The following COL15A1 variants were observed in gnomAD, a reference collection of about 807,000 sequenced individuals.
COL15A1 encodes the protein collagen alpha-1(XV) chain.
Under a neutral mutation model 165.9 loss-of-function variants are expected in COL15A1, and 111 were observed. The ratio of observed to expected loss-of-function variants is 0.67; its 90% CI spans 0.57 to 0.78. The LOEUF (loss-of-function observed/expected upper bound fraction) is 0.78. COL15A1 is among the 30% of genes least tolerant of loss of function. The pLI, the probability that COL15A1 is intolerant of heterozygous loss-of-function variation, is 0.00. For synonymous variants in COL15A1, 659 were observed against 674.8 expected, an observed-to-expected ratio of 0.98 and a Z score of 0.36; for missense variants, 1,745 against 1,789.7, an observed-to-expected ratio of 0.98 and a Z score of 0.45.
chr9:99,021,827 G>T (rs1169685361), intron 12 of COL15A1, among the ~76,000 whole-genome samples: 1 of 152,238 alleles, frequency 6.6e-6, no homozygotes, highest in East Asian at 1.9e-4. Context: ...AATCCTGGAA[G>T]AAGGGAGGGT....
At chr9:99,046,662 C>G (rs546687114) in intron 26 of COL15A1, among the ~76,000 whole-genome samples, 64 of 152,312 alleles carry the variant, frequency 4.2e-4, no homozygotes, top group African/African-American at 1.5e-3. Flanking sequence ...CTAGGGAGAA[C>G]TCATTCACTG....
At chr9:98,978,014 C>T (rs913988818) in intron 2 of COL15A1, among the ~76,000 whole-genome samples, 1 of 152,172 alleles carries the variant, frequency 6.6e-6, no homozygotes, top group Non-Finnish European at 1.5e-5. Flanking sequence ...GTGGTCGGGG[C>T]TGTGGGAGGG....
At chr9:99,061,003 C>T (rs918228659) in intron 36 of COL15A1, among the ~76,000 whole-genome samples, 16 of 152,274 alleles carry the variant, frequency 1.1e-4, no homozygotes, top group African/African-American at 3.6e-4. Context: ...AAGAACATCT[C>T]TGGCACATTC....
At chr9:99,059,645 C>T (rs997927652) in intron 35 of COL15A1, among the ~76,000 whole-genome samples, 1 of 152,186 alleles carries the variant, frequency 6.6e-6, no homozygotes, top group African/African-American at 2.4e-5. Context: ...ACTTATGAAA[C>T]GGAAAAGCAC....
intron 15 of COL15A1, among the ~76,000 whole-genome samples, chr9:99,025,539 G>A (rs1012728467): frequency 1.3e-5 from 2 of 152,180 alleles, no homozygotes; most frequent in African/African-American, 4.8e-5. Flanking sequence ...ATCAGATGTA[G>A]CCCCATTGTA....
At chr9:98,979,964 G>A (rs974671269) in intron 2 of COL15A1, among the ~76,000 whole-genome samples, 1 of 152,012 alleles carries the variant, frequency 6.6e-6, no homozygotes, top group African/African-American at 2.4e-5. Flanking sequence ...CGAGACCAAC[G>A]TAGGCAATAT....
intron 2 of COL15A1, among the ~76,000 whole-genome samples, chr9:98,976,541 C>T (rs535681885): frequency 1.2e-4 from 18 of 152,246 alleles, no homozygotes; most frequent in South Asian, 6.2e-4. Flanking sequence ...TGGGAGGGAA[C>T]GTGGACTTTC....
intron 16 of COL15A1, among the ~76,000 whole-genome samples, chr9:99,030,927 G>A (rs1254200058): frequency 6.6e-6 from 1 of 152,204 alleles, no homozygotes; most frequent in African/African-American, 2.4e-5. Flanking sequence ...CTCTGGGTTA[G>A]GCTATAAAAT....
intron 39 of COL15A1, 100 bp downstream of exon 39, chr9:99,063,209 A>G (rs997249659): frequency 2.3e-6 from 3 of 1,327,594 alleles, no homozygotes; most frequent in Admixed American, 3.6e-5. Flanking sequence ...CATGATACTT[A>G]TAGACTAGTG....
intron 2 of COL15A1, among the ~76,000 whole-genome samples, chr9:98,949,213 A>G (rs1480292434): frequency 1.3e-5 from 2 of 152,258 alleles, no homozygotes; most frequent in African/African-American, 2.4e-5. Flanking sequence ...ATGCTGCTGT[A>G]TGTGGCTGTA....
chr9:99,041,679 A>G (rs1444663938), intron 23 of COL15A1, among the ~76,000 whole-genome samples: 1 of 152,046 alleles, frequency 6.6e-6, no homozygotes, highest in Non-Finnish European at 1.5e-5. Flanking sequence ...GAGCCAGAGA[A>G]GGGGTGGGAG....
At chr9:99,033,710 T>TG (rs1166524154) in intron 16 of COL15A1, among the ~76,000 whole-genome samples, 1 of 152,210 alleles carries the variant, frequency 6.6e-6, no homozygotes, top group East Asian at 1.9e-4. Context: ...CAAAAATGAC[T>TG]GGGGGGAAGG....
chr9:98,959,021 T>TG (rs1463586405), intron 2 of COL15A1, among the ~76,000 whole-genome samples: 1 of 152,090 alleles, frequency 6.6e-6, no homozygotes, highest in East Asian at 1.9e-4. Context: ...CTGTCATCTC[T>TG]GCACTGTTGC....
chr9:99,038,618 C>A, intron 21 of COL15A1, 50 bp from the exon 22 acceptor site: 1 of 1,139,000 alleles, frequency 8.8e-7, no homozygotes, highest in Non-Finnish European at 1.3e-6. Context: ...AGGAACAAGG[C>A]AGAACACATG....
At chr9:99,044,957 G>A (rs542033920) in intron 26 of COL15A1, among the ~76,000 whole-genome samples, 187 bp downstream of exon 26, 20 of 152,316 alleles carry the variant, frequency 1.3e-4, no homozygotes, top group African/African-American at 4.6e-4. Context: ...TAACACAATA[G>A]CAGCTTATTT....
At chr9:98,974,444 G>A (rs139171961) in intron 2 of COL15A1, among the ~76,000 whole-genome samples, 22 of 152,276 alleles carry the variant, frequency 1.4e-4, no homozygotes, top group Admixed American at 2.6e-4. Context: ...GGAAAGAACC[G>A]TCCCAGAAGA....
At position 99,047,782 on chromosome 9, in the gene COL15A1, C is replaced by G; in HGVS notation, c.2680-4C>G. The G allele has an allele frequency of 6.2e-7, 1 of 1,614,082 alleles. No individual in the cohort carries two copies. The highest frequency in any genetic ancestry group is 8.5e-7 in the Non-Finnish European group (1 of 1,179,976). Reference sequence around the variant, plus strand: ...TTCTAATCTGGCATTTGTTTTGCCTCTAGGGGCCCAAAGGACCACCAGGAC... The same window carrying G: ...TTCTAATCTGGCATTTGTTTTGCCTGTAGGGGCCCAAAGGACCACCAGGAC... On this transcript the variant is annotated splice_region_variant and splice_polypyrimidine_tract_variant and intron_variant, in intron 26 of 41. Coordinates refer to ENST00000375001, the MANE Select transcript of COL15A1 (RefSeq NM_001855.5).
intron 30 of COL15A1, among the ~76,000 whole-genome samples, chr9:99,051,567 A>G (rs568046384): frequency 6.6e-6 from 1 of 152,190 alleles, no homozygotes; most frequent in Non-Finnish European, 1.5e-5. Flanking sequence ...CTTTATCAGC[A>G]TAGCCTGCAA....
chr9:98,944,341 T>C, intron 2 of COL15A1, 91 bp downstream of exon 2: 1 of 1,267,500 alleles, frequency 7.9e-7, no homozygotes, highest in Non-Finnish European at 1.1e-6. Flanking sequence ...GATGCGTGCC[T>C]CATTCCTGGA....
Sources: gnomAD v4.1 joint callset for allele counts (sites outside exome capture counted in the v4.1 genomes callset) on GRCh38, gnomAD v4.1.1 for gene constraint, MANE v1.5 for transcripts, NCBI Gene and HGNC (gene_info 2026-07-23, HGNC 2026-07-21) for gene names.